DLG2: variants seen among roughly 807,000 people sequenced by gnomAD.
DLG2 encodes the protein disks large homolog 2.
Under a neutral mutation model 132.5 loss-of-function variants are expected in DLG2, and 45 were observed. That is an observed-to-expected ratio of 0.34 (90% CI 0.27 to 0.44). The LOEUF is 0.44. Ranked by LOEUF, DLG2 falls within the 20% of genes least tolerant of loss-of-function variation. DLG2 has a pLI of 1.00. For synonymous variants in DLG2, 424 were observed against 419.6 expected (o/e 1.01, Z -0.13); for missense variants, 1,045 against 1,196.9 (o/e 0.87, Z 1.87).
intron 7 of DLG2, chr11:84,272,437 A>G: frequency 4.0e-6 from 1 of 248,158 alleles, no homozygotes; most frequent in Non-Finnish European, 8.4e-6. Flanking sequence ...AATTCTTCAA[A>G]GTAGATCTAA....
intron 6 of DLG2, among the ~76,000 whole-genome samples, chr11:85,110,993 A>T (rs2072640582): frequency 6.6e-6 from 1 of 152,164 alleles, no homozygotes; most frequent in South Asian, 2.1e-4. Context: ...ATTACAGAGT[A>T]TCATACATTC....
chr11:83,529,174 C>G (rs959841420), intron 21 of DLG2, among the ~76,000 whole-genome samples: 2 of 152,064 alleles, frequency 1.3e-5, no homozygotes, highest in Non-Finnish European at 2.9e-5. Flanking sequence ...CCTTCTCATT[C>G]CAGACAATTT....
intron 6 of DLG2, among the ~76,000 whole-genome samples, chr11:84,593,349 G>A (rs563766842): frequency 6.6e-6 from 1 of 152,258 alleles, no homozygotes; most frequent in South Asian, 2.1e-4. Flanking sequence ...GCACACGTAT[G>A]TATATTGCAG....
chr11:83,912,837 G>C (rs1468204931), intron 15 of DLG2, among the ~76,000 whole-genome samples: 1 of 152,070 alleles, frequency 6.6e-6, no homozygotes, highest in Non-Finnish European at 1.5e-5. Flanking sequence ...AAAACACTGA[G>C]AGAACATCCA....
intron 12 of DLG2, among the ~76,000 whole-genome samples, chr11:83,979,100 T>C (rs939070184): frequency 6.6e-6 from 1 of 152,152 alleles, no homozygotes; most frequent in African/African-American, 2.4e-5. Flanking sequence ...AGGTCAATGT[T>C]AGCTATCAAG....
chr11:84,842,492 GT>G (rs1451508948), intron 6 of DLG2, among the ~76,000 whole-genome samples: 1 of 151,918 alleles, frequency 6.6e-6, no homozygotes, highest in African/African-American at 2.4e-5. Flanking sequence ...AGTTCTAGAA[GT>G]TCCTAACTAC....
At chr11:84,689,435 A>G (rs1298619757) in intron 6 of DLG2, among the ~76,000 whole-genome samples, 1 of 152,082 alleles carries the variant, frequency 6.6e-6, no homozygotes, top group African/African-American at 2.4e-5. Flanking sequence ...CTCCTCCTCA[A>G]TAGAATATTT....
chr11:84,740,626 C>T (rs2064486370), intron 6 of DLG2, among the ~76,000 whole-genome samples: 1 of 152,186 alleles, frequency 6.6e-6, no homozygotes, highest in African/African-American at 2.4e-5. Flanking sequence ...CTTCATTCCA[C>T]CAATCCCACA....
Position 84,895,451 on chromosome 11 carries a change from T to C in DLG2, c.357+216210A>G, listed in dbSNP as rs139651328. 8.5e-5 allele frequency among the ~76,000 whole-genome samples: 13 copies of C among 152,260 alleles called. No individual in the cohort carries two copies. The East Asian group carries it at 2.5e-3, about 29-fold the overall frequency. On this transcript the variant is annotated intron_variant, in intron 6 of 27. Transcript: ENST00000376104. ...AGAATCAAATAAGGTCATAAAAATA[T>C]TTCTTCCATGGGTTCTGATAAAGAT...
chr11:85,046,966 A>G (rs118182097), intron 6 of DLG2, among the ~76,000 whole-genome samples: 2,561 of 151,874 alleles, frequency 0.017, 27 homozygotes, highest in Non-Finnish European at 0.026. Flanking sequence ...TTTGTTGACA[A>G]TTTCTAAAAA....
intron 7 of DLG2, among the ~76,000 whole-genome samples, chr11:84,382,560 G>C (rs574975501): frequency 1.3e-5 from 2 of 152,144 alleles, no homozygotes; most frequent in Non-Finnish European, 2.9e-5. Flanking sequence ...GTAGTGATCA[G>C]TTATCCATTG....
chr11:85,058,289 C>T (rs1324702349), intron 6 of DLG2, among the ~76,000 whole-genome samples: 1 of 151,388 alleles, frequency 6.6e-6, no homozygotes. Context: ...AAAAATGATA[C>T]AGTTTTTATC....
chr11:85,132,882 C>CA (rs1316502337), intron 5 of DLG2: 8 of 456,214 alleles, frequency 1.8e-5, no homozygotes, highest in Non-Finnish European at 3.1e-5. Context: ...AAATTGCACA[C>CA]AGAAAGAAGC....
chr11:85,403,316 G>A (rs2088371556), intron 3 of DLG2, among the ~76,000 whole-genome samples: 1 of 151,920 alleles, frequency 6.6e-6, no homozygotes, highest in Non-Finnish European at 1.5e-5. Flanking sequence ...ACAGGGTCGG[G>A]TACATCAAAC....
rs79193478 is a variant in DLG2 at position 84,305,215 on chromosome 11, G to T, written c.520-53924C>A. 1.8e-3 allele frequency among the ~76,000 whole-genome samples: 280 copies of T among 152,158 alleles called. 1 individual carries two copies. The highest frequency in any genetic ancestry group is 6.6e-3 in the African/African-American group (272 of 41,504). On this transcript the variant is annotated intron_variant, in intron 7 of 27. Transcript: ENST00000376104. ...AATGATGCTACAAAAATGAAAATAT[G>T]GCAGTCTGTGAGTCCTACTATGCCA...
At chr11:84,091,399 C>A (rs1189859304) in intron 10 of DLG2, among the ~76,000 whole-genome samples, 5 of 152,174 alleles carry the variant, frequency 3.3e-5, no homozygotes, top group Non-Finnish European at 7.4e-5. Context: ...TGTCCCTCCA[C>A]CCGAGGGACT....
chr11:83,544,140 G>C (rs555915034), intron 19 of DLG2, among the ~76,000 whole-genome samples: 1 of 152,146 alleles, frequency 6.6e-6, no homozygotes, highest in Non-Finnish European at 1.5e-5. Flanking sequence ...GGCACTTCCT[G>C]TGTGACACTA....
intron 6 of DLG2, among the ~76,000 whole-genome samples, chr11:84,718,675 G>T (rs2061478640): frequency 1.3e-5 from 2 of 152,126 alleles, no homozygotes; most frequent in African/African-American, 4.8e-5. Context: ...TAAGTTCATG[G>T]GAATGGATTT....
At chr11:84,257,190 G>A (rs1015719519) in intron 7 of DLG2, among the ~76,000 whole-genome samples, 10 of 152,216 alleles carry the variant, frequency 6.6e-5, no homozygotes, top group East Asian at 5.8e-4. Flanking sequence ...CATGGTTGGG[G>A]GAGTGACTTC....
Sources: allele counts gnomAD v4.1 joint callset (sites outside exome capture counted in the v4.1 genomes callset), GRCh38; gene constraint gnomAD v4.1.1; transcripts MANE v1.5; gene names NCBI Gene and HGNC (gene_info 2026-07-23, HGNC 2026-07-21).